Variants in KLHL13 observed in about 807,000 individuals in gnomAD.
The protein encoded by KLHL13 is kelch like family member 13.
Under a neutral mutation model 37.1 loss-of-function variants are expected in KLHL13, and 10 were observed. That is an observed-to-expected ratio of 0.27 (90% CI 0.17 to 0.46). The LOEUF is 0.46. Ranked by LOEUF, KLHL13 falls within the 20% of genes least tolerant of loss-of-function variation. KLHL13 has a pLI of 1.00. For synonymous variants in KLHL13, 163 were observed against 181.2 expected, an observed-to-expected ratio of 0.90 and a Z score of 0.81; for missense variants, 360 against 509.3, an observed-to-expected ratio of 0.71 and a Z score of 2.82.
At chrX:117,984,372 A>G (rs971499191) in intron 1 of KLHL13, among the ~76,000 whole-genome samples, 10 of 111,734 alleles carry the variant, frequency 8.9e-5, no homozygotes, top group African/African-American at 3.2e-4. Flanking sequence ...TTATGTTGTT[A>G]TCAGCATATA....
At chrX:118,016,202 T>C (rs1298250866) in intron 1 of KLHL13, among the ~76,000 whole-genome samples, 1 of 111,785 alleles carries the variant, frequency 8.9e-6, no homozygotes. Context: ...ATGTGACAGA[T>C]GAGGACACCA....
At chrX:117,996,762 C>T (rs1908403359) in intron 1 of KLHL13, among the ~76,000 whole-genome samples, 1 of 108,105 alleles carries the variant, frequency 9.3e-6, no homozygotes. Flanking sequence ...TCTATTTCTA[C>T]GGGTACATAT....
rs186311668 is a variant in KLHL13 at position 118,041,462 on chromosome X, G to A, written c.-56+75046C>T. On this transcript the variant is annotated intron_variant, in intron 1 of 6. Transcript: ENST00000371882. ...GGATCACTTAAGGCCAGGAGGTCTC[G>A]AGGCTACAGTGAGCTGAGATCACAC... 2.3e-3 allele frequency among the ~76,000 whole-genome samples: 260 copies of A among 111,533 alleles called. 2 individuals carry two copies. The highest frequency in any genetic ancestry group is 7.4e-3 in the Admixed American group (78 of 10,491).
rs150997205 is a variant in KLHL13, at chrX:117,933,366, C to T, written c.240+12068G>A. On this transcript the variant is annotated intron_variant, in intron 2 of 6. Transcript: ENST00000262820. Reference sequence around the variant, plus strand: ...ACCCAGAAATAAATCCATGTATTTACAGCCAAGTGATTTTTTTAATAAAGG... The same window carrying T: ...ACCCAGAAATAAATCCATGTATTTATAGCCAAGTGATTTTTTTAATAAAGG... Among the ~76,000 whole-genome samples, 1,037 of 111,044 alleles carry T rather than the reference C, an allele frequency of 9.3e-3. 17 individuals are homozygous for T. The highest frequency in any genetic ancestry group is 0.031 in the African/African-American group (960 of 30,573).
chrX:118,031,939 G>A (rs773445921), intron 1 of KLHL13, among the ~76,000 whole-genome samples: 7 of 110,170 alleles, frequency 6.4e-5, no homozygotes, highest in African/African-American at 1.7e-4. Context: ...GAAGCACAAG[G>A]GGTCAGGGTG....
At chrX:118,100,661 T>A (rs1275753831) in intron 1 of KLHL13, among the ~76,000 whole-genome samples, 1 of 111,106 alleles carries the variant, frequency 9.0e-6, no homozygotes, top group Non-Finnish European at 1.9e-5. Flanking sequence ...CTGCCAATGG[T>A]TTCCCTCAGC....
At position 117,979,328 on chromosome X, in the gene KLHL13, C is replaced by T. The variant is rs1322819335; in HGVS notation, c.-55-33753G>A. Reference sequence around the variant, plus strand: ...GTTTGGTAAGAGCAATACAGAGAGACGATTTATCATCATCAGTAGGGGTAA... The same window carrying T: ...GTTTGGTAAGAGCAATACAGAGAGATGATTTATCATCATCAGTAGGGGTAA... On this transcript the variant is annotated intron_variant, in intron 1 of 6. Coordinates refer to the KLHL13 transcript ENST00000371882. Among the ~76,000 whole-genome samples, 6 of 111,632 alleles carry T rather than the reference C, an allele frequency of 5.4e-5. No homozygotes were observed. The East Asian group carries it at 1.4e-3, about 26-fold the overall frequency.
intron 1 of KLHL13, among the ~76,000 whole-genome samples, chrX:118,035,413 C>T (rs2054424891): frequency 9.1e-6 from 1 of 109,304 alleles, no homozygotes; most frequent in African/African-American, 3.5e-5. Flanking sequence ...GGGGCTTCAT[C>T]CCTGGGATGC....
intron 2 of KLHL13, among the ~76,000 whole-genome samples, chrX:117,920,605 A>C (rs1931638722): frequency 8.9e-6 from 1 of 112,318 alleles, no homozygotes; most frequent in Admixed American, 9.4e-5. Context: ...AAAACGATTA[A>C]GGAAAAAGTA....
intron 1 of KLHL13, among the ~76,000 whole-genome samples, chrX:117,952,019 C>A (rs1169990133): frequency 9.0e-6 from 1 of 111,541 alleles, no homozygotes; most frequent in East Asian, 2.8e-4. Context: ...CATCAAGCTA[C>A]CAATGACTTT....
intron 1 of KLHL13, among the ~76,000 whole-genome samples, chrX:117,996,086 G>A (rs2053851129): frequency 1.8e-5 from 2 of 111,840 alleles, no homozygotes; most frequent in Non-Finnish European, 3.8e-5. Context: ...AACCTCTCAG[G>A]TGGACTTTGT....
intron 1 of KLHL13, among the ~76,000 whole-genome samples, chrX:118,071,878 C>G (rs2054870421): frequency 9.5e-6 from 1 of 105,724 alleles, no homozygotes; most frequent in African/African-American, 3.5e-5. Flanking sequence ...TAGGAAGAAT[C>G]AATATCGTGA....
chrX:118,055,107 T>C (rs1357341055), intron 1 of KLHL13, among the ~76,000 whole-genome samples: 1 of 111,841 alleles, frequency 8.9e-6, no homozygotes, highest in Non-Finnish European at 1.9e-5. Flanking sequence ...GAGTACAGCA[T>C]GCAGGTCTGA....
chrX:117,921,263 T>C (rs1250759740), intron 2 of KLHL13, among the ~76,000 whole-genome samples: 5 of 112,565 alleles, frequency 4.4e-5, no homozygotes, highest in Non-Finnish European at 9.4e-5. Flanking sequence ...TTTCAATTTT[T>C]ATCTTTTATT....
intron 1 of KLHL13, among the ~76,000 whole-genome samples, chrX:118,088,661 G>C (rs2055081806): frequency 9.0e-6 from 1 of 111,664 alleles, no homozygotes; most frequent in African/African-American, 3.3e-5. Context: ...GTTAGGACAA[G>C]GAATAGTTTC....
chrX:117,930,276 G>GGAAGGAAA lies in KLHL13; in HGVS notation c.241-9907_241-9906insTTTCCTTC, dbSNP rs1490214009. ...AGGAAGGAAGGAAGGAAGGAAGGAAGGAAGGAAGGAAGGAAGGCAGGCAGG... is the reference window on the plus strand; with the variant it reads ...AGGAAGGAAGGAAGGAAGGAAGGAAGGAAGGAAAGAAGGAAGGAAGGAAGGCAGGCAGG... On this transcript the variant is annotated intron_variant, in intron 2 of 6. Coordinates refer to ENST00000262820, the Ensembl canonical transcript of KLHL13. 1.3e-3 allele frequency among the ~76,000 whole-genome samples: 126 copies of GGAAGGAAA among 99,102 alleles called. 1 individual carries two copies. The highest frequency in any genetic ancestry group is 1.3e-3 in the Non-Finnish European group (63 of 49,242). The allele number at this position is 99,102 out of a possible 115,157, so 86.1% of individuals were successfully genotyped here. A position where few individuals can be genotyped will look rare whatever the true frequency, so the allele number is the denominator to read the frequency against.
At chrX:117,904,160 A>G (rs1247683086) in intron 5 of KLHL13, among the ~76,000 whole-genome samples, 1 of 110,834 alleles carries the variant, frequency 9.0e-6, no homozygotes, top group Non-Finnish European at 1.9e-5. Flanking sequence ...ATCATTCTTA[A>G]GCTTTTTTCC....
intron 1 of KLHL13, among the ~76,000 whole-genome samples, chrX:118,095,729 T>C (rs1455753717): frequency 8.9e-6 from 1 of 112,195 alleles, no homozygotes; most frequent in African/African-American, 3.2e-5. Flanking sequence ...AACTCAGGAT[T>C]AAGAAACTCA....
chrX:118,032,681 C>T (rs918533877), intron 1 of KLHL13, among the ~76,000 whole-genome samples: 8 of 112,044 alleles, frequency 7.1e-5, no homozygotes, highest in Admixed American at 3.8e-4. Flanking sequence ...AAAAGCAGAG[C>T]ACCTCTCCTC....
Sources: gnomAD v4.1 joint callset for allele counts (sites outside exome capture counted in the v4.1 genomes callset) on GRCh38, gnomAD v4.1.1 for gene constraint, MANE v1.5 for transcripts, NCBI Gene and HGNC (gene_info 2026-07-23, HGNC 2026-07-21) for gene names.